The following CASTOR2 variants were observed in gnomAD, a reference collection of about 807,000 sequenced individuals.
CASTOR2 encodes GATS protein like 2.
A neutral mutation model predicts 31.2 loss-of-function variants in CASTOR2; 8 were observed. The observed-to-expected ratio is 0.26, with a 90% CI of 0.15 to 0.46. The LOEUF is 0.46. CASTOR2 is among the 20% of genes least tolerant of loss of function. The pLI is 0.99. For missense variants in CASTOR2, 216 were observed against 382.1 expected, an observed-to-expected ratio of 0.57 and a Z score of 3.62; for synonymous variants, 162 against 158.7, an observed-to-expected ratio of 1.02 and a Z score of -0.16.
chr7:75,009,262 C>CTTTTTTTTTTTT (rs1161937896), intron 2 of CASTOR2, among the ~76,000 whole-genome samples: 1 of 60,296 alleles, frequency 1.7e-5, no homozygotes, highest in Non-Finnish European at 2.7e-5. Flanking sequence ...GGCCTGAGAA[C>CTTTTTTTTTTTT]TTTTTTTTTT....
chr7:75,008,028 G>T lies in CASTOR2; in HGVS notation c.148G>T (p.Asp50Tyr). Residue 50 changes from aspartate to tyrosine, a missense_variant, in exon 2 of 9, where the codon GAT becomes TAT. Asp to Tyr is a radical substitution (Grantham distance 160, BLOSUM62 -3). Transcript: ENST00000616305. ...KFFSLTETPEDYTIIVDEEGF... is the reference protein window; with the variant it reads ...KFFSLTETPEYYTIIVDEEGF... ...CTTCAGTCTGACTGAGACGCCAGAG[G>T]ATTACACTATCATTGTCGATGAGGA... 6.2e-7 allele frequency: 1 copy of T among 1,613,898 alleles called. No homozygotes were observed. The highest frequency in any genetic ancestry group is 1.7e-5 in the Admixed American group (1 of 59,990).
rs1805170341 is a variant in CASTOR2, at chr7:75,027,521, T to C, written c.*2822T>C. ...GCAGGCAGCTTCTCTGTTTTTTTTG[T>C]TTTTTGTAACCTGCAAGCTTAGAAA... On this transcript the variant is annotated 3_prime_UTR_variant, in exon 9 of 9. Coordinates refer to ENST00000616305, the MANE Select transcript of CASTOR2 (RefSeq NM_001145064.3). 1 of 159,740 alleles carries C rather than the reference T, an allele frequency of 6.3e-6. No individual in the cohort carries two copies. The highest frequency in any genetic ancestry group is 2.4e-5 in the African/African-American group (1 of 41,466). 9.9% of individuals were successfully genotyped at this position (159,740 alleles called of 1,614,324 possible).
intron 2 of CASTOR2, among the ~76,000 whole-genome samples, chr7:75,009,785 G>C (rs1407632935): frequency 1.3e-5 from 2 of 151,766 alleles, no homozygotes. Context: ...GAAGAGGAGG[G>C]ATCAGGAAAG....
intron 1 of CASTOR2, among the ~76,000 whole-genome samples, chr7:74,985,713 G>T (rs1804047349): frequency 6.6e-6 from 1 of 151,486 alleles, no homozygotes; most frequent in African/African-American, 2.4e-5. Flanking sequence ...AGGCCTCAGT[G>T]TCCCGTCTGC....
At chr7:74,989,517 GCTCGAGCAATC>G (rs1804154044) in intron 1 of CASTOR2, among the ~76,000 whole-genome samples, 1 of 151,698 alleles carries the variant, frequency 6.6e-6, no homozygotes, top group African/African-American at 2.4e-5. Flanking sequence ...TACCACCCAG[GCTCGAGCAATC>G]CTCCCAACTC....
At chr7:75,018,835 G>A (rs1415242004) in intron 4 of CASTOR2, 137 bp from the exon 5 acceptor site, 5 of 1,392,346 alleles carry the variant, frequency 3.6e-6, no homozygotes, top group African/African-American at 1.4e-5. Flanking sequence ...GGTGGTAGAG[G>A]CTGGAGAAGC....
Position 75,031,174 on chromosome 7 carries a change from G to C in CASTOR2, c.*6475G>C, listed in dbSNP as rs1805290311. On this transcript the variant is annotated 3_prime_UTR_variant, in exon 9 of 9. Transcript: ENST00000616305. ...AAATCATTTCCGTTATCCTGAGATG[G>C]GGGTGAGTGGATGGATGGTGTACTG... 6.6e-6 allele frequency among the ~76,000 whole-genome samples: 1 copy of C among 152,136 alleles called. No individual in the cohort carries two copies. The highest frequency in any genetic ancestry group is 1.5e-5 in the Non-Finnish European group (1 of 68,010).
rs1158456043 is a variant in CASTOR2, at chr7:74,999,601, C to CTTTTTTT, written c.114-8364_114-8358dup. 4.0e-3 allele frequency among the ~76,000 whole-genome samples: 183 copies of CTTTTTTT among 45,784 alleles called. 50 individuals are homozygous for CTTTTTTT. The highest frequency in any genetic ancestry group is 0.013 in the East Asian group (12 of 894). 30.0% of individuals were successfully genotyped at this position (45,784 alleles called of 152,430 possible). A position where few individuals can be genotyped will look rare whatever the true frequency, so the allele number is the denominator to read the frequency against. On this transcript the variant is annotated intron_variant, in intron 1 of 8. Coordinates refer to ENST00000616305, the MANE Select transcript of CASTOR2 (RefSeq NM_001145064.3). Reference sequence around the variant, plus strand: ...CCCGAAACACTTCTATCACTCACTGCTTTTTTTTTTTTTTTTTTTTTTTTT... The same window carrying CTTTTTTT: ...CCCGAAACACTTCTATCACTCACTGCTTTTTTTTTTTTTTTTTTTTTTTTTTTTTTTT...
intron 1 of CASTOR2, among the ~76,000 whole-genome samples, chr7:74,994,122 G>C (rs1425406893): frequency 6.6e-6 from 1 of 152,252 alleles, no homozygotes; most frequent in African/African-American, 2.4e-5. Flanking sequence ...CGCAGCGATT[G>C]AAGATGGGAA....
rs1805148985 is a variant in CASTOR2 at position 75,026,862 on chromosome 7, T to TGCAAGTGTGTCGGCCCCGTGACC, written c.*2164_*2186dup. Among the ~76,000 whole-genome samples the TGCAAGTGTGTCGGCCCCGTGACC allele has an allele frequency of 6.6e-6, 1 of 152,168 alleles. No individual in the cohort carries two copies. Among genetic ancestry groups the TGCAAGTGTGTCGGCCCCGTGACC allele is most frequent in the African/African-American group, 2.4e-5 (1 of 41,444 alleles). On this transcript the variant is annotated 3_prime_UTR_variant, in exon 9 of 9. Coordinates refer to ENST00000616305, the MANE Select transcript of CASTOR2 (RefSeq NM_001145064.3). ...ACTTCTCTGCCTTTCCTTCCCGCCG[T>TGCAAGTGTGTCGGCCCCGTGACC]GCAAGTGTGTCGGCCCCGTGACCCC...
At chr7:75,024,395 G>A in intron 7 of CASTOR2, 45 bp from the exon 8 acceptor site, 3 of 1,543,286 alleles carry the variant, frequency 1.9e-6, no homozygotes, top group East Asian at 4.9e-5. Context: ...ACAGGCAAGG[G>A]TAGCCAGGTT....
rs1192568821 is a variant in CASTOR2 at position 75,031,133 on chromosome 7, C to T, written c.*6434C>T. On this transcript the variant is annotated 3_prime_UTR_variant, in exon 9 of 9. Transcript: ENST00000616305. Reference sequence around the variant, plus strand: ...GAGCTGATAACAGTCCCAAGCCCTCCTCTTTCTCTATGCCAAAATCATTTC... The same window carrying T: ...GAGCTGATAACAGTCCCAAGCCCTCTTCTTTCTCTATGCCAAAATCATTTC... Among the ~76,000 whole-genome samples, 6 of 152,212 alleles carry T rather than the reference C, an allele frequency of 3.9e-5. No individual in the cohort carries two copies. The highest frequency in any genetic ancestry group is 5.9e-5 in the Non-Finnish European group (4 of 68,044).
chr7:75,018,031 A>T lies in CASTOR2; in HGVS notation c.420A>T (p.Ser140=). ...RDLPFVTHTL[S]SEFTILRVVN... is the part of the protein sequence containing the mutation. Reference sequence around the variant, plus strand: ...TGCCCTTTGTCACCCACACATTGTCATCAGAGTTCACCATCCTGCGGGTCG... The same window carrying T: ...TGCCCTTTGTCACCCACACATTGTCTTCAGAGTTCACCATCCTGCGGGTCG... Residue 140 remains serine (S), a synonymous_variant, in exon 4 of 9, where the codon TCA becomes TCT. Transcript: ENST00000616305. 5.0e-6 allele frequency: 8 copies of T among 1,614,178 alleles called. No homozygotes were observed. The highest frequency in any genetic ancestry group is 5.9e-6 in the Non-Finnish European group (7 of 1,180,026).
At chr7:75,021,117 G>A (rs1260135013) in intron 6 of CASTOR2, among the ~76,000 whole-genome samples, 4 of 151,730 alleles carry the variant, frequency 2.6e-5, no homozygotes, top group East Asian at 1.9e-4. Flanking sequence ...TCAGCCTCCC[G>A]AGTAGCTGGA....
rs1804621066 is a variant in CASTOR2 at position 75,006,976 on chromosome 7, G to A, written c.114-1018G>A. Among the ~76,000 whole-genome samples the A allele has an allele frequency of 4.6e-5, 7 of 152,126 alleles. No homozygotes were observed. The East Asian group carries it at 1.4e-3, about 29-fold the overall frequency. Reference sequence around the variant, plus strand: ...CATGAGAACAGACAAATACACCTGGGTTACTCATGGGCTTCTTTCTGTCCC... The same window carrying A: ...CATGAGAACAGACAAATACACCTGGATTACTCATGGGCTTCTTTCTGTCCC... On this transcript the variant is annotated intron_variant, in intron 1 of 8. Transcript: ENST00000616305.
chr7:74,998,964 C>T (rs1460904558), intron 1 of CASTOR2, among the ~76,000 whole-genome samples: 1 of 151,848 alleles, frequency 6.6e-6, no homozygotes, highest in African/African-American at 2.4e-5. Flanking sequence ...TTCTCCTGGT[C>T]GCCCGTGACA....
At chr7:75,019,327 C>T (rs1462140955) in intron 5 of CASTOR2, among the ~76,000 whole-genome samples, 1 of 151,682 alleles carries the variant, frequency 6.6e-6, no homozygotes, top group Non-Finnish European at 1.5e-5. Flanking sequence ...AGACACAGAC[C>T]CGCCCCAGAG....
At chr7:75,003,707 G>A (rs1263688881) in intron 1 of CASTOR2, among the ~76,000 whole-genome samples, 1 of 151,686 alleles carries the variant, frequency 6.6e-6, no homozygotes, top group Non-Finnish European at 1.5e-5. Flanking sequence ...CCGAGATTGC[G>A]CCACTGCACT....
intron 1 of CASTOR2, among the ~76,000 whole-genome samples, chr7:74,975,844 T>C (rs1262669671): frequency 1.6e-5 from 2 of 127,476 alleles, no homozygotes; most frequent in Non-Finnish European, 3.3e-5. Context: ...TGCGTGGTGC[T>C]CCCTCTCTCC....
Sources: allele counts gnomAD v4.1 joint callset (sites outside exome capture counted in the v4.1 genomes callset), GRCh38; gene constraint gnomAD v4.1.1; transcripts MANE v1.5; gene names NCBI Gene and HGNC (gene_info 2026-07-23, HGNC 2026-07-21).